WWOX: variants seen among roughly 807,000 people sequenced by gnomAD.
The protein encoded by WWOX is WW domain-containing oxidoreductase.
Under a neutral mutation model 46.2 loss-of-function variants are expected in WWOX, and 69 were observed. The observed-to-expected ratio is 1.49, with a 90% CI of 1.23 to 1.82. WWOX has a LOEUF of 1.82. Ranked by LOEUF, WWOX falls within the 40% of genes most tolerant of loss-of-function variation. The pLI, the probability that WWOX is intolerant of heterozygous loss-of-function variation, is 0.00. For missense variants in WWOX, 919 were observed against 542.6 expected (o/e 1.69, Z -6.89); for synonymous variants, 359 against 202.6 (o/e 1.77, Z -6.56).
At chr16:78,582,609 A>T (rs962695412) in intron 8 of WWOX, among the ~76,000 whole-genome samples, 1 of 152,172 alleles carries the variant, frequency 6.6e-6, no homozygotes, top group Admixed American at 6.5e-5. Flanking sequence ...AACTGTCATC[A>T]GTCTATTGGT....
chr16:78,769,019 C>G (rs2049995676), intron 8 of WWOX, among the ~76,000 whole-genome samples: 1 of 152,116 alleles, frequency 6.6e-6, no homozygotes, highest in African/African-American at 2.4e-5. Flanking sequence ...AGTCTCTGGT[C>G]AATTTGTTGT....
chr16:78,436,761 C>T (rs1451464693), intron 8 of WWOX, among the ~76,000 whole-genome samples: 1 of 152,122 alleles, frequency 6.6e-6, no homozygotes, highest in African/African-American at 2.4e-5. Context: ...TCGGGTTGGT[C>T]ATTTTCCTAG....
intron 6 of WWOX, among the ~76,000 whole-genome samples, chr16:78,419,421 A>C (rs1198273879): frequency 6.6e-6 from 1 of 152,098 alleles, no homozygotes; most frequent in Non-Finnish European, 1.5e-5. Flanking sequence ...ACAGTGTCAT[A>C]TTGGCATAAG....
chr16:79,187,009 T>C (rs1242023324), intron 8 of WWOX, among the ~76,000 whole-genome samples: 2 of 152,068 alleles, frequency 1.3e-5, no homozygotes, highest in Non-Finnish European at 2.9e-5. Context: ...TGAGAAAATA[T>C]AAATTGTGCA....
chr16:78,885,220 G>C (rs1173401682), intron 8 of WWOX, among the ~76,000 whole-genome samples: 1 of 128,270 alleles, frequency 7.8e-6, no homozygotes, highest in Non-Finnish European at 1.6e-5. Context: ...AATAGGTCTT[G>C]TCATTTGTAA....
chr16:78,198,173 T>C (rs2151771614), intron 5 of WWOX, among the ~76,000 whole-genome samples: 1 of 152,252 alleles, frequency 6.6e-6, no homozygotes, highest in South Asian at 2.1e-4. Flanking sequence ...TCTGGGGGTC[T>C]CTGCCAGGCT....
intron 8 of WWOX, among the ~76,000 whole-genome samples, chr16:79,029,564 AT>A (rs2047712976): frequency 6.6e-6 from 1 of 152,206 alleles, no homozygotes; most frequent in African/African-American, 2.4e-5. Context: ...AATGAAGTCT[AT>A]AAAAACTGTT....
At chr16:78,254,626 C>T (rs1192816380) in intron 5 of WWOX, among the ~76,000 whole-genome samples, 1 of 151,542 alleles carries the variant, frequency 6.6e-6, no homozygotes, top group Non-Finnish European at 1.5e-5. Context: ...CCACCTCAGC[C>T]TCCCAAGTAG....
intron 8 of WWOX, among the ~76,000 whole-genome samples, chr16:78,831,359 C>T (rs890523629): frequency 6.6e-6 from 1 of 152,178 alleles, no homozygotes; most frequent in Non-Finnish European, 1.5e-5. Flanking sequence ...CCTAAAAGCT[C>T]CTATGGAAGT....
chr16:78,989,012 C>A (rs1242961613), intron 8 of WWOX, among the ~76,000 whole-genome samples: 1 of 152,164 alleles, frequency 6.6e-6, no homozygotes, highest in Non-Finnish European at 1.5e-5. Context: ...TCTGTTAAAA[C>A]AAGGAGGAAG....
At chr16:78,723,980 G>T (rs1244545367) in intron 8 of WWOX, among the ~76,000 whole-genome samples, 2 of 152,098 alleles carry the variant, frequency 1.3e-5, no homozygotes, top group Non-Finnish European at 2.9e-5. Flanking sequence ...GGCCTCCATG[G>T]TACCCTCTGA....
At chr16:78,852,666 A>G (rs2052474699) in intron 8 of WWOX, among the ~76,000 whole-genome samples, 3 of 152,184 alleles carry the variant, frequency 2.0e-5, no homozygotes, top group African/African-American at 4.8e-5. Context: ...AATTTTTAAG[A>G]TGCTTCATTT....
intron 5 of WWOX, among the ~76,000 whole-genome samples, chr16:78,180,716 A>G (rs2035505753): frequency 6.6e-6 from 1 of 150,746 alleles, no homozygotes; most frequent in Non-Finnish European, 1.5e-5. Flanking sequence ...GCTCCATCTG[A>G]GATATGGGGT....
intron 8 of WWOX, among the ~76,000 whole-genome samples, chr16:79,160,137 G>T (rs972798543): frequency 6.6e-6 from 1 of 152,210 alleles, no homozygotes; most frequent in Admixed American, 6.5e-5. Context: ...CCGTTGGAGT[G>T]GGTGCCACGT....
intron 5 of WWOX, among the ~76,000 whole-genome samples, chr16:78,368,098 C>A (rs1445092116): frequency 2.6e-5 from 4 of 152,146 alleles, no homozygotes; most frequent in African/African-American, 9.7e-5. Flanking sequence ...GATTTCGCTG[C>A]TTTTTCTGCC....
intron 8 of WWOX, among the ~76,000 whole-genome samples, chr16:78,738,706 G>T (rs187122525): frequency 1.8e-3 from 270 of 152,100 alleles, no homozygotes; most frequent in Non-Finnish European, 2.9e-3. Flanking sequence ...GAGACGGGTC[G>T]GGGAGACTGT....
chr16:78,384,864 G>T (rs1438967346), intron 5 of WWOX, among the ~76,000 whole-genome samples: 1 of 152,110 alleles, frequency 6.6e-6, no homozygotes, highest in East Asian at 1.9e-4. Flanking sequence ...TGCCAGGTGC[G>T]GTGGCTCACG....
chr16:78,373,780 T>A (rs567075959), intron 5 of WWOX, among the ~76,000 whole-genome samples: 2 of 152,308 alleles, frequency 1.3e-5, no homozygotes, highest in East Asian at 3.9e-4. Flanking sequence ...TTTTTAAACT[T>A]TTCTGAGCAT....
intron 8 of WWOX, among the ~76,000 whole-genome samples, chr16:78,600,008 C>T (rs1297634001): frequency 6.6e-6 from 1 of 152,150 alleles, no homozygotes; most frequent in Non-Finnish European, 1.5e-5. Flanking sequence ...CACAGCTCCA[C>T]ATGGCTGGGG....
Sources: allele counts gnomAD v4.1 joint callset (sites outside exome capture counted in the v4.1 genomes callset), GRCh38; gene constraint gnomAD v4.1.1; transcripts MANE v1.5; gene names NCBI Gene and HGNC (gene_info 2026-07-23, HGNC 2026-07-21).